The following PAK5 variants were observed in gnomAD, a reference collection of about 807,000 sequenced individuals.
PAK5 encodes serine/threonine-protein kinase PAK 5.
Under a neutral mutation model 65.9 loss-of-function variants are expected in PAK5, and 16 were observed. The observed-to-expected ratio is 0.24, with a 90% CI of 0.16 to 0.37. The LOEUF (loss-of-function observed/expected upper bound fraction) is 0.37, where lower values mean the gene tolerates loss of function less well. Among genes scored for constraint, PAK5 ranks in the 10% least tolerant of loss-of-function variants. PAK5 has a pLI of 1.00. For missense variants in PAK5, 785 were observed against 903.9 expected (o/e 0.87, Z 1.69); for synonymous variants, 371 against 354.9 (o/e 1.05, Z -0.51).
intron 3 of PAK5, among the ~76,000 whole-genome samples, chr20:9,585,249 G>A (rs2046048953): frequency 6.6e-6 from 1 of 152,024 alleles, no homozygotes; most frequent in South Asian, 2.1e-4. Context: ...TGCTACCATG[G>A]AATCACTTCC....
intron 4 of PAK5, among the ~76,000 whole-genome samples, chr20:9,576,261 C>T (rs6056712): frequency 0.18 from 27,824 of 152,168 alleles, 2,782 homozygotes; most frequent in African/African-American, 0.26. Flanking sequence ...AATGTCAAGA[C>T]TCAAACCCAG....
At chr20:9,661,678 TAA>T (rs2047349333) in intron 2 of PAK5, among the ~76,000 whole-genome samples, 1 of 152,158 alleles carries the variant, frequency 6.6e-6, no homozygotes, top group Non-Finnish European at 1.5e-5. Context: ...AGATAAAATA[TAA>T]GTTTCTGTAA....
intron 1 of PAK5, among the ~76,000 whole-genome samples, chr20:9,739,228 C>CTTT (rs55690747): frequency 0.16 from 22,971 of 145,636 alleles, 2,243 homozygotes; most frequent in South Asian, 0.28. Context: ...TCTTTGCTTT[C>CTTT]TTTTTTTTTT....
intron 4 of PAK5, chr20:9,577,790 T>TTCTGA (rs2045912315): frequency 6.6e-6 from 1 of 152,226 alleles, no homozygotes; most frequent in Admixed American, 6.5e-5. Flanking sequence ...TTCTTTGTAT[T>TTCTGA]TCTGATCGTA....
At chr20:9,704,236 G>C (rs561789906) in intron 2 of PAK5, among the ~76,000 whole-genome samples, 59 of 152,292 alleles carry the variant, frequency 3.9e-4, no homozygotes, top group Non-Finnish European at 7.8e-4. Context: ...GCAGTGACCA[G>C]AGATTAGTCT....
chr20:9,820,866 G>T (rs1218746946), intron 1 of PAK5, among the ~76,000 whole-genome samples: 1 of 152,054 alleles, frequency 6.6e-6, no homozygotes, highest in East Asian at 1.9e-4. Context: ...TAACACTCAG[G>T]TTCAACAATT....
intron 2 of PAK5, among the ~76,000 whole-genome samples, chr20:9,649,315 G>A (rs1885562): frequency 0.34 from 51,793 of 152,034 alleles, 9,510 homozygotes; most frequent in Non-Finnish European, 0.42. Flanking sequence ...TTAGTTCCTA[G>A]AGAAGGATAG....
intron 2 of PAK5, among the ~76,000 whole-genome samples, chr20:9,703,198 A>G (rs1024931454): frequency 9.9e-5 from 15 of 152,190 alleles, no homozygotes; most frequent in Non-Finnish European, 2.2e-4. Flanking sequence ...CCAGAAAACT[A>G]TCGGGATCAG....
intron 1 of PAK5, among the ~76,000 whole-genome samples, chr20:9,828,253 AG>A (rs1978433091): frequency 6.6e-6 from 1 of 152,226 alleles, no homozygotes; most frequent in Non-Finnish European, 1.5e-5. Context: ...ACCCTCAAAA[AG>A]GGTTAAACCA....
intron 1 of PAK5, chr20:9,818,892 AAAT>A (rs1275654417): frequency 6.6e-6 from 1 of 152,210 alleles, no homozygotes; most frequent in Admixed American, 6.5e-5. Flanking sequence ...CATTTCAACT[AAAT>A]AATATCAGCC....
chr20:9,604,483 A>G (rs1185266065), intron 3 of PAK5, among the ~76,000 whole-genome samples: 1 of 152,210 alleles, frequency 6.6e-6, no homozygotes, highest in African/African-American at 2.4e-5. Context: ...ACACAACAGC[A>G]TATGGCACAA....
At chr20:9,653,961 CTT>C (rs35916583) in intron 2 of PAK5, among the ~76,000 whole-genome samples, 538 of 136,000 alleles carry the variant, frequency 4.0e-3, no homozygotes, top group African/African-American at 0.01. Context: ...CTTTTCTTCT[CTT>C]TTTTTTTTTT....
chr20:9,813,763 A>G (rs368602676), intron 1 of PAK5, among the ~76,000 whole-genome samples: 23 of 152,200 alleles, frequency 1.5e-4, no homozygotes, highest in Non-Finnish European at 2.8e-4. Flanking sequence ...TCCAATTTTA[A>G]TCGATGCCGA....
At chr20:9,551,783 C>T (rs1405660318) in intron 7 of PAK5, among the ~76,000 whole-genome samples, 9 of 152,180 alleles carry the variant, frequency 5.9e-5, no homozygotes, top group Non-Finnish European at 8.8e-5. Context: ...CTGGGTACCA[C>T]GTAGCCTGAG....
At chr20:9,620,240 G>T (rs1319261309) in intron 3 of PAK5, among the ~76,000 whole-genome samples, 1 of 152,152 alleles carries the variant, frequency 6.6e-6, no homozygotes, top group African/African-American at 2.4e-5. Context: ...TAGAAGGAAG[G>T]ACTCATCCCT....
intron 1 of PAK5, among the ~76,000 whole-genome samples, chr20:9,737,673 C>T (rs1468737410): frequency 6.6e-6 from 1 of 151,984 alleles, no homozygotes. Context: ...TTTTGAAAAG[C>T]CTTTAATGAA....
At chr20:9,788,015 T>C (rs1013404519) in intron 1 of PAK5, among the ~76,000 whole-genome samples, 5 of 151,800 alleles carry the variant, frequency 3.3e-5, no homozygotes, top group East Asian at 3.9e-4. Context: ...CCATATACAA[T>C]TGAATAAACA....
intron 4 of PAK5, among the ~76,000 whole-genome samples, chr20:9,569,492 G>A (rs1315571530): frequency 6.6e-6 from 1 of 152,184 alleles, no homozygotes; most frequent in Non-Finnish European, 1.5e-5. Flanking sequence ...CAGAGAAGGA[G>A]TGACAAGTGC....
chr20:9,575,079 G>C (rs2045862242), intron 4 of PAK5, among the ~76,000 whole-genome samples: 1 of 152,198 alleles, frequency 6.6e-6, no homozygotes, highest in South Asian at 2.1e-4. Context: ...ACTGGTTCAA[G>C]TGCTTTTTCC....
Sources: allele counts gnomAD v4.1 joint callset (sites outside exome capture counted in the v4.1 genomes callset), GRCh38; gene constraint gnomAD v4.1.1; transcripts MANE v1.5; gene names NCBI Gene and HGNC (gene_info 2026-07-23, HGNC 2026-07-21).